ANKS6: variants seen among roughly 807,000 people sequenced by gnomAD.
ANKS6 encodes the protein ankyrin repeat and SAM domain-containing protein 6.
A neutral mutation model predicts 77.9 loss-of-function variants in ANKS6; 47 were observed. The observed-to-expected ratio is 0.60, with a 90% confidence interval of 0.48 to 0.77. The LOEUF (loss-of-function observed/expected upper bound fraction) is 0.77. Among genes scored for constraint, ANKS6 ranks in the 30% least tolerant of loss-of-function variants. The pLI is 0.00. For synonymous variants in ANKS6, 488 were observed against 501.7 expected (o/e 0.97, Z 0.37); for missense variants, 1,150 against 1,159.1 (o/e 0.99, Z 0.11).
At chr9:98,759,254 T>C (rs1832886781) in intron 11 of ANKS6, among the ~76,000 whole-genome samples, 1 of 152,188 alleles carries the variant, frequency 6.6e-6, no homozygotes, top group Admixed American at 6.5e-5. Flanking sequence ...CTATGTTCCA[T>C]CCTGTGACTA....
Position 98,773,959 on chromosome 9 carries a change from T to A in ANKS6, c.1739A>T (p.Asn580Ile). 2 of 1,575,670 alleles carry A rather than the reference T, an allele frequency of 1.3e-6. No homozygotes were observed. Among genetic ancestry groups the A allele is most frequent in the East Asian group, 2.4e-5 (1 of 40,884 alleles). Residue 580 changes from asparagine (N) to isoleucine (I), a missense_variant, in exon 9 of 15, where the codon AAC becomes ATC. Physicochemically the swap from Asn to Ile is moderately radical, Grantham distance 149 (BLOSUM62 -3). Transcript: ENST00000353234. ...WSSDRSRTRH[N>I]GKADPMKTAL... ...AGTCTTCATGGGGTCTGCCTTCCCG[T>A]TGTGACGCGTCCGGGACCGATCAGA...
chr9:98,779,756 C>T (rs182034429), intron 6 of ANKS6, among the ~76,000 whole-genome samples: 5 of 152,142 alleles, frequency 3.3e-5, no homozygotes, highest in African/African-American at 4.8e-5. Flanking sequence ...CTCCGCCTCC[C>T]GGGTTCACGC....
At chr9:98,747,052 A>G (rs1229015132) in intron 13 of ANKS6, among the ~76,000 whole-genome samples, 1 of 152,202 alleles carries the variant, frequency 6.6e-6, no homozygotes, top group Non-Finnish European at 1.5e-5. Flanking sequence ...AAAAATCACA[A>G]ACAATCCCAC....
In ANKS6 at chr9:98,734,778, A is replaced by G; in HGVS notation, c.*1741T>C. On this transcript the variant is annotated 3_prime_UTR_variant, in exon 15 of 15. Transcript: ENST00000353234. Reference sequence around the variant, plus strand: ...AAAGGTAAAGCTGCCAGCACATAGTAGGGGATGAATGAGTGTGTCTCCTTA... The same window carrying G: ...AAAGGTAAAGCTGCCAGCACATAGTGGGGGATGAATGAGTGTGTCTCCTTA... The G allele has an allele frequency of 2.0e-6, 2 of 984,666 alleles. No individual in the cohort carries two copies. Among genetic ancestry groups the G allele is most frequent in the Non-Finnish European group, 2.4e-6 (2 of 829,232 alleles). The allele number at this position is 984,666 out of a possible 1,614,324, so 61.0% of individuals were successfully genotyped here. A position where few individuals can be genotyped will look rare whatever the true frequency, so the allele number is the denominator to read the frequency against.
rs770883667 is a variant in ANKS6, at chr9:98,778,364, G to A, written c.1429C>T (p.Arg477Cys). 1.3e-5 allele frequency: 21 copies of A among 1,614,134 alleles called. No individual in the cohort carries two copies. Among genetic ancestry groups the A allele is most frequent in the East Asian group, 2.2e-5 (1 of 44,870 alleles). ...AAAGGCTGGTTGCTGGACAGCCCAC[G>A]GGGCAGCGTCTGCATCAGTTTGAGC... is the stretch of plus-strand genomic sequence containing the variant. ...RKLKLMQTLPRGLSSNQPLPF... is the reference protein window; with the variant it reads ...RKLKLMQTLPCGLSSNQPLPF... Residue 477 changes from arginine to cysteine, a missense_variant, in exon 7 of 15, where the codon CGT becomes TGT. Transcript: ENST00000353234.
chr9:98,786,619 G>C (rs1014908473), intron 2 of ANKS6, among the ~76,000 whole-genome samples: 1 of 152,124 alleles, frequency 6.6e-6, no homozygotes, highest in Non-Finnish European at 1.5e-5. Context: ...TGGAAAGTAC[G>C]GACACTGCCA....
Position 98,782,544 on chromosome 9 carries a change from T to C in ANKS6, c.1142A>G (p.Asn381Ser), listed in dbSNP as rs368211870. ...GNKEIVKYLL[N>S]QGADVTLRAK... ...ACGAAGAGTGACATCGGCCCCTTGG[T>C]TTAGCAGATATTTCACAATTTCCTT... is the stretch of plus-strand genomic sequence containing the variant. The change falls in exon 5 of 15, where the codon AAC (asparagine) becomes AGC (serine). Residue 381 changes from asparagine to serine, a missense_variant. By Grantham distance (46) the Asn-to-Ser change is conservative. Transcript: ENST00000353234. 5.3e-5 allele frequency: 86 copies of C among 1,614,012 alleles called. No individual in the cohort carries two copies. The highest frequency in any genetic ancestry group is 6.7e-5 in the Non-Finnish European group (79 of 1,180,010).
At chr9:98,784,199 T>C (rs919592077) in intron 3 of ANKS6, 42 bp from the exon 4 acceptor site, 11 of 1,477,048 alleles carry the variant, frequency 7.4e-6, no homozygotes, top group Non-Finnish European at 9.1e-6. Flanking sequence ...GTGGGCCTGG[T>C]ACCATAGGCT....
chr9:98,744,348 T>C (rs1275844598), intron 14 of ANKS6, among the ~76,000 whole-genome samples: 2 of 152,188 alleles, frequency 1.3e-5, no homozygotes, highest in African/African-American at 4.8e-5. Context: ...CACAGCACAG[T>C]GCTGCAGAGA....
chr9:98,780,801 G>A (rs1834205274), intron 5 of ANKS6, among the ~76,000 whole-genome samples: 1 of 151,766 alleles, frequency 6.6e-6, no homozygotes, highest in Non-Finnish European at 1.5e-5. Flanking sequence ...GTATTATGAA[G>A]TTATTAGGAA....
At chr9:98,783,201 C>G (rs1834376790) in intron 4 of ANKS6, among the ~76,000 whole-genome samples, 1 of 152,116 alleles carries the variant, frequency 6.6e-6, no homozygotes, top group Admixed American at 6.5e-5. Context: ...CATGGAGACT[C>G]CACTTCTTCC....
At chr9:98,739,998 G>A (rs978439181) in intron 14 of ANKS6, among the ~76,000 whole-genome samples, 22 of 151,904 alleles carry the variant, frequency 1.4e-4, no homozygotes, top group African/African-American at 3.9e-4. Context: ...CTCGTGATCC[G>A]CCCGCCTCGG....
At position 98,791,272 on chromosome 9, in the gene ANKS6, A is replaced by G. The variant is rs1469294685; in HGVS notation, c.360-666T>C. Reference sequence around the variant, plus strand: ...CCCCATCCCCAAAAGCACACACCCCATGCCAAGAGGTGTGGCAAGGTTGTG... The same window carrying G: ...CCCCATCCCCAAAAGCACACACCCCGTGCCAAGAGGTGTGGCAAGGTTGTG... On this transcript the variant is annotated intron_variant, in intron 1 of 14. Transcript: ENST00000353234. The surrounding 1 kb of genome is among the most constrained non-coding windows in gnomAD (Gnocchi z 4.3). 2.6e-5 allele frequency among the ~76,000 whole-genome samples: 4 copies of G among 152,276 alleles called. No homozygotes were observed. The highest frequency in any genetic ancestry group is 9.6e-5 in the African/African-American group (4 of 41,566).
intron 13 of ANKS6, among the ~76,000 whole-genome samples, chr9:98,746,422 G>A (rs1588330136): frequency 6.6e-6 from 1 of 152,168 alleles, no homozygotes; most frequent in Admixed American, 6.5e-5. Flanking sequence ...GGTCTACTGG[G>A]AAGCCAGTCT....
chr9:98,748,064 A>C (rs1832237796), intron 13 of ANKS6, among the ~76,000 whole-genome samples: 1 of 152,128 alleles, frequency 6.6e-6, no homozygotes, highest in Non-Finnish European at 1.5e-5. Context: ...CCCTCATTTC[A>C]TAGACCCCCT....
chr9:98,778,544 G>A, intron 6 of ANKS6, 120 bp from the exon 7 acceptor site: 1 of 871,646 alleles, frequency 1.1e-6, no homozygotes, highest in Non-Finnish European at 1.8e-6. Flanking sequence ...CCTCTCCTGG[G>A]GCCCAGACAG....
rs773851224 is a variant in ANKS6, at chr9:98,777,467, T to C, written c.1568-13A>G. On this transcript the variant is annotated splice_polypyrimidine_tract_variant and intron_variant, in intron 7 of 14. Coordinates refer to ENST00000353234, the MANE Select transcript of ANKS6 (RefSeq NM_173551.5). The stretch of plus-strand genomic sequence containing the variant: ...GTGCTCCCAGGACCTGAGAGACAAA[T>C]GGAAATTTCCTGAAATGACCCCTCC... 8.1e-6 allele frequency: 13 copies of C among 1,614,048 alleles called. No individual in the cohort carries two copies. In the South Asian group the frequency reaches 9.9e-5, roughly 12 times the overall value.
At chr9:98,762,770 A>G (rs1382612845) in intron 11 of ANKS6, among the ~76,000 whole-genome samples, 1 of 152,072 alleles carries the variant, frequency 6.6e-6, no homozygotes, top group East Asian at 1.9e-4. Flanking sequence ...TAATCATGGG[A>G]TTAGATTTGC....
At chr9:98,769,016 A>G (rs1833472363) in intron 10 of ANKS6, among the ~76,000 whole-genome samples, 1 of 146,094 alleles carries the variant, frequency 6.8e-6, no homozygotes, top group Non-Finnish European at 1.5e-5. Context: ...AATCCCAGCT[A>G]CTTGGGAGGC....
Sources: gnomAD v4.1 joint callset for allele counts (sites outside exome capture counted in the v4.1 genomes callset) on GRCh38, gnomAD v4.1.1 for gene constraint, Gnocchi (gnomAD v3.1) non-coding constraint, MANE v1.5 for transcripts, NCBI Gene and HGNC (gene_info 2026-07-23, HGNC 2026-07-21) for gene names.